Variants in UBE4A observed in about 807,000 individuals in gnomAD.
UBE4A encodes ubiquitin conjugation factor E4 A.
UBE4A carries 48 observed loss-of-function variants against 117.9 expected under a neutral mutation model. The ratio of observed to expected loss-of-function variants is 0.41; its 90% CI spans 0.32 to 0.52. The LOEUF is 0.52. UBE4A is among the 20% of genes least tolerant of loss of function. The pLI is 0.33. For synonymous variants in UBE4A, 407 were observed against 450.0 expected, an observed-to-expected ratio of 0.90 and a Z score of 1.21; for missense variants, 1,067 against 1,296.3, an observed-to-expected ratio of 0.82 and a Z score of 2.72.
At chr11:118,369,711 G>A (rs1948593946) in intron 4 of UBE4A, among the ~76,000 whole-genome samples, 176 bp downstream of exon 4, 1 of 149,886 alleles carries the variant, frequency 6.7e-6, no homozygotes, top group Non-Finnish European at 1.5e-5. Context: ...CTAACATTGT[G>A]GTGTTCCTCT....
intron 1 of UBE4A, among the ~76,000 whole-genome samples, chr11:118,363,563 C>T (rs1948538345): frequency 6.6e-6 from 1 of 150,924 alleles, no homozygotes; most frequent in East Asian, 1.9e-4. Flanking sequence ...TATAAATAAT[C>T]TCTTTCTCTG....
intron 10 of UBE4A, among the ~76,000 whole-genome samples, chr11:118,378,263 TAAAAA>T (rs200980984): frequency 8.5e-5 from 12 of 141,734 alleles, no homozygotes; most frequent in African/African-American, 3.1e-4. Context: ...AAAAATTAAT[TAAAAA>T]AAAGAAAAAG....
At chr11:118,392,608 C>T (rs1948829683) in intron 18 of UBE4A, 130 bp from the exon 19 acceptor site, 5 of 800,002 alleles carry the variant, frequency 6.2e-6, no homozygotes, top group Non-Finnish European at 7.6e-6. Context: ...TCACGTGTGT[C>T]ACTGTCACTG....
chr11:118,363,606 C>CTTTTTTTTT (rs199847839), intron 1 of UBE4A, among the ~76,000 whole-genome samples: 1 of 122,846 alleles, frequency 8.1e-6, no homozygotes, highest in African/African-American at 3.0e-5. Context: ...ACCACATTAG[C>CTTTTTTTTT]TTTTTTTTTT....
At chr11:118,378,117 C>T (rs904146186) in intron 10 of UBE4A, among the ~76,000 whole-genome samples, 1 of 151,372 alleles carries the variant, frequency 6.6e-6, no homozygotes. Flanking sequence ...CTTGGTGGTA[C>T]GCGCCTGTAG....
chr11:118,386,669 C>G, intron 16 of UBE4A, 57 bp downstream of exon 16: 1 of 1,466,748 alleles, frequency 6.8e-7, no homozygotes, highest in Non-Finnish European at 9.0e-7. Context: ...ATCAGCTTCA[C>G]TTGGGGGATC....
chr11:118,397,224 G>GA lies in UBE4A; in HGVS notation c.*789dup, dbSNP rs1555129977. 1.3e-5 allele frequency: 2 copies of GA among 152,104 alleles called. No individual in the cohort carries two copies. The highest frequency in any genetic ancestry group is 1.3e-4 in the Admixed American group (2 of 15,266). 9.4% of individuals were successfully genotyped at this position (152,104 alleles called of 1,614,324 possible). On this transcript the variant is annotated 3_prime_UTR_variant, in exon 20 of 20. Coordinates refer to ENST00000252108, the MANE Select transcript of UBE4A (RefSeq NM_001204077.2). ...TTTAGGCAACGGGTATCATATCCAT[G>GA]AAAAATGTCATTTTAAGACACTAAT...
chr11:118,377,142 T>C (rs1948659853), intron 10 of UBE4A, among the ~76,000 whole-genome samples: 1 of 152,236 alleles, frequency 6.6e-6, no homozygotes, highest in Non-Finnish European at 1.5e-5. Flanking sequence ...AGGGGCATTG[T>C]ATGAATTTAC....
chr11:118,392,963 G>T, intron 19 of UBE4A, 68 bp downstream of exon 19: 1 of 1,518,136 alleles, frequency 6.6e-7, no homozygotes, highest in Non-Finnish European at 8.9e-7. Context: ...TTTCTCCCAG[G>T]CACCTAAGAC....
Position 118,390,666 on chromosome 11 carries a change from G to T in UBE4A, c.2778G>T (p.Glu926Asp), listed in dbSNP as rs374617735. The T allele has an allele frequency of 2.2e-5, 34 of 1,517,916 alleles. No individual in the cohort carries two copies. In the African/African-American group the frequency reaches 4.2e-4, roughly 19 times the overall value. The allele number at this position is 1,517,916 out of a possible 1,614,324, so 94.0% of individuals were successfully genotyped here. Residue 926 changes from glutamate to aspartate, a missense_variant, in exon 18 of 20, where the codon GAG becomes GAT. By Grantham distance (45) the Glu-to-Asp change is conservative. Coordinates refer to ENST00000252108, the MANE Select transcript of UBE4A (RefSeq NM_001204077.2). ...CTIYLNLGDE[E>D]NFCATVPKDG... ...GATGCTAATGTTCCAGGGATGAGGA[G>T]AATTTCTGTGCCACTGTGCCCAAGG...
Position 118,392,908 on chromosome 11 carries a change from C to CA in UBE4A, c.3074+18dup, listed in dbSNP as rs369792140. Reference sequence around the variant, plus strand: ...GACATTTGCTCAGGTAGGCCAGTCCCAAAAACAGACTCAAGAGCATATATA... The same window carrying CA: ...GACATTTGCTCAGGTAGGCCAGTCCCAAAAAACAGACTCAAGAGCATATATA... On this transcript the variant is annotated intron_variant, in intron 19 of 19. Coordinates refer to ENST00000252108, the MANE Select transcript of UBE4A (RefSeq NM_001204077.2). The CA allele has an allele frequency of 2.4e-4, 383 of 1,610,328 alleles. 4 individuals are homozygous for CA. The African/African-American group carries it at 4.7e-3, about 20-fold the overall frequency.
At chr11:118,382,919 C>CTT (rs5795124) in intron 13 of UBE4A, 143 bp downstream of exon 13, 93 of 485,824 alleles carry the variant, frequency 1.9e-4, no homozygotes, top group Non-Finnish European at 2.2e-4. Context: ...ATGATAAGTG[C>CTT]TTTTTTTTTT....
At chr11:118,378,721 T>C (rs1389657427) in intron 10 of UBE4A, 1 of 152,254 alleles carries the variant, frequency 6.6e-6, no homozygotes, top group East Asian at 1.9e-4. Flanking sequence ...GTGCTTAAGC[T>C]GCTCAGCTGC....
In UBE4A at chr11:118,364,929, A is replaced by C. The variant is rs58690669; in HGVS notation, c.-41-111A>C. On this transcript the variant is annotated intron_variant, in intron 1 of 19. Transcript: ENST00000252108. The stretch of plus-strand genomic sequence containing the variant: ...ACAGGAATTGGAAAATCTTAACCCA[A>C]AGTATTTTAAAATGTATTGTATTTG... 3,247 of 1,101,536 alleles carry C rather than the reference A, an allele frequency of 2.9e-3. 69 individuals carry two copies. In the African/African-American group the frequency reaches 0.043, roughly 15 times the overall value. The allele number at this position is 1,101,536 out of a possible 1,614,324, so 68.2% of individuals were successfully genotyped here.
In UBE4A at chr11:118,398,058, T is replaced by A. The variant is rs2134120226; in HGVS notation, c.*1618T>A. 6.5e-6 allele frequency: 1 copy of A among 152,796 alleles called. No homozygotes were observed. The highest frequency in any genetic ancestry group is 3.4e-3 in the Middle Eastern group (1 of 294). 9.5% of individuals were successfully genotyped at this position (152,796 alleles called of 1,614,324 possible). On this transcript the variant is annotated 3_prime_UTR_variant, in exon 20 of 20. Coordinates refer to ENST00000252108, the MANE Select transcript of UBE4A (RefSeq NM_001204077.2). ...ATTTTCTAAAATTAGCTTCATTCAA[T>A]ATTTATCATCCTCCTTTCCCTCTCT...
intron 19 of UBE4A, among the ~76,000 whole-genome samples, chr11:118,394,078 T>G (rs190860775): frequency 8.7e-4 from 132 of 152,332 alleles, no homozygotes; most frequent in Admixed American, 1.6e-3. Context: ...GCTTATTAGC[T>G]GCTTAATGGG....
rs1246457695 is a variant in UBE4A, at chr11:118,373,218, T to A, written c.854T>A (p.Leu285His). 16 of 1,613,896 alleles carry A rather than the reference T, an allele frequency of 9.9e-6. No homozygotes were observed. The highest frequency in any genetic ancestry group is 1.4e-5 in the Non-Finnish European group (16 of 1,180,010). ...ILLGRIKDLE[L>H]CQILLYAYLD... ...TTGGGCCGAATAAAAGATCTAGAGCTCTGTCAGATCCTTTTGTATGCATAT... is the reference window on the plus strand; with the variant it reads ...TTGGGCCGAATAAAAGATCTAGAGCACTGTCAGATCCTTTTGTATGCATAT... Residue 285 changes from leucine (L) to histidine (H), a missense_variant, in exon 7 of 20, where the codon CTC (leucine) becomes CAC (histidine). By Grantham distance (99) the Leu-to-His change is moderately conservative (BLOSUM62 -3). Around this residue, in one of 3 missense-constraint regions of UBE4A, gnomAD observed 1,001 missense variants for 1,184.0 expected, o/e 0.85. Transcript: ENST00000252108.
At chr11:118,381,659 A>C (rs1591302705) in intron 12 of UBE4A, 136 bp downstream of exon 12, 1 of 1,195,056 alleles carries the variant, frequency 8.4e-7, no homozygotes. Context: ...GAATCACCTG[A>C]CCATCCATAT....
chr11:118,365,337 G>A (rs1591293573), intron 2 of UBE4A, 136 bp downstream of exon 2: 2 of 1,297,018 alleles, frequency 1.5e-6, no homozygotes, highest in Non-Finnish European at 1.0e-6. Flanking sequence ...TTTGTTGAGA[G>A]CAGAAATTGG....
Sources: gnomAD v4.1 joint callset for allele counts (sites outside exome capture counted in the v4.1 genomes callset) on GRCh38, gnomAD v4.1.1 for gene constraint, gnomAD v4.1.1 regional missense constraint, MANE v1.5 for transcripts, NCBI Gene and HGNC (gene_info 2026-07-23, HGNC 2026-07-21) for gene names.